The following PARD3B variants were observed in gnomAD, a reference collection of about 807,000 sequenced individuals.
PARD3B encodes the protein partitioning defective 3 homolog B.
PARD3B carries 103 observed loss-of-function variants against 130.2 expected under a neutral mutation model. The ratio of observed to expected loss-of-function variants is 0.79; its 90% CI spans 0.67 to 0.93. The LOEUF (loss-of-function observed/expected upper bound fraction) is 0.93. Ranked by LOEUF, PARD3B falls within the 40% of genes least tolerant of loss-of-function variation. The pLI is 0.00. For missense variants in PARD3B, 1,609 were observed against 1,499.2 expected (o/e 1.07, Z -1.21); for synonymous variants, 583 against 553.2 (o/e 1.05, Z -0.76).
intron 3 of PARD3B, among the ~76,000 whole-genome samples, chr2:205,038,750 A>G (rs954143747): frequency 6.6e-6 from 1 of 152,198 alleles, no homozygotes; most frequent in South Asian, 2.1e-4. Context: ...AATTACTTGC[A>G]TTTGTCCATC....
rs1204240047 is a variant in PARD3B at position 205,616,840 on chromosome 2, G to T, written c.*1027G>T. ...ACCATCTGCACTCGGGGACAGCGAG[G>T]AGCTGACCATGGCCTCTGATGACCA... is the stretch of plus-strand genomic sequence containing the variant. On this transcript the variant is annotated 3_prime_UTR_variant, in exon 23 of 23. Transcript: ENST00000406610. 1 of 153,612 alleles carries T rather than the reference G, an allele frequency of 6.5e-6. No individual in the cohort carries two copies. Among genetic ancestry groups the T allele is most frequent in the Non-Finnish European group, 1.5e-5 (1 of 68,314 alleles). 9.5% of individuals were successfully genotyped at this position (153,612 alleles called of 1,614,324 possible). A position where few individuals can be genotyped will look rare whatever the true frequency, so the allele number is the denominator to read the frequency against.
In PARD3B at chr2:205,575,117, G is replaced by A. The variant is rs542327801; in HGVS notation, c.3260+21714G>A. ...CACACACACACACACACACACACGC[G>A]TACACTATATATAAAAATATATTTT... On this transcript the variant is annotated intron_variant, in intron 22 of 22. Coordinates refer to ENST00000406610, the MANE Select transcript of PARD3B (RefSeq NM_001302769.2). The surrounding 1 kb of genome is among the most constrained non-coding windows in gnomAD (Gnocchi z 4.6). Among the ~76,000 whole-genome samples, 21 of 113,650 alleles carry A rather than the reference G, an allele frequency of 1.8e-4. No individual in the cohort carries two copies. Among genetic ancestry groups the A allele is most frequent in the South Asian group, 1.1e-3 (4 of 3,496 alleles). 74.6% of individuals were successfully genotyped at this position (113,650 alleles called of 152,430 possible).
chr2:204,689,257 C>T lies in PARD3B; in HGVS notation c.222+2975C>T, dbSNP rs1470778641. On this transcript the variant is annotated intron_variant, in intron 2 of 22. Transcript: ENST00000406610. This position sits in a 1 kb window ranked among gnomAD's most constrained non-coding sequence, Gnocchi z 5.2. ...TTCCTTTGGCCAACATAGTGCTTGG[C>T]GCATACATGGTATCTGCTTGGGAGC... 4.6e-5 allele frequency among the ~76,000 whole-genome samples: 7 copies of T among 152,094 alleles called. No individual in the cohort carries two copies. Among genetic ancestry groups the T allele is most frequent in the East Asian group, 1.9e-4 (1 of 5,174 alleles).
At chr2:204,646,872 T>A (rs2035293846) in intron 1 of PARD3B, among the ~76,000 whole-genome samples, 1 of 151,984 alleles carries the variant, frequency 6.6e-6, no homozygotes, top group Admixed American at 6.6e-5. Context: ...CTACAGAACA[T>A]CATAGCTTAG....
Position 205,047,710 on chromosome 2 carries a change from T to C in PARD3B, c.504+20T>C. On this transcript the variant is annotated intron_variant, in intron 4 of 22. Coordinates refer to ENST00000406610, the MANE Select transcript of PARD3B (RefSeq NM_001302769.2). Reference sequence around the variant, plus strand: ...GTTCCAGTAGGTATCCTGCTGCTTGTAGTTCTAATGAAAGATCAAAGTGCT... The same window carrying C: ...GTTCCAGTAGGTATCCTGCTGCTTGCAGTTCTAATGAAAGATCAAAGTGCT... 1 of 1,491,018 alleles carries C rather than the reference T, an allele frequency of 6.7e-7. No individual in the cohort carries two copies. Among genetic ancestry groups the C allele is most frequent in the Non-Finnish European group, 9.2e-7 (1 of 1,092,738 alleles). The allele number at this position is 1,491,018 out of a possible 1,614,324, so 92.4% of individuals were successfully genotyped here. A position where few individuals can be genotyped will look rare whatever the true frequency, so the allele number is the denominator to read the frequency against.
intron 18 of PARD3B, among the ~76,000 whole-genome samples, chr2:205,364,923 C>CG (rs1242327583): frequency 1.3e-5 from 2 of 152,068 alleles, no homozygotes; most frequent in Non-Finnish European, 2.9e-5. Context: ...GCTGTACAGC[C>CG]GGGTGTGGTG....
chr2:205,111,711 G>A (rs1490638705), intron 5 of PARD3B, among the ~76,000 whole-genome samples: 1 of 152,004 alleles, frequency 6.6e-6, no homozygotes, highest in Non-Finnish European at 1.5e-5. Context: ...CTCAGCATGT[G>A]GATACTTGAT....
At position 205,129,583 on chromosome 2, in the gene PARD3B, G is replaced by C. The variant is rs113263929; in HGVS notation, c.1434+3846G>C. On this transcript the variant is annotated intron_variant, in intron 10 of 22. Coordinates refer to ENST00000406610, the MANE Select transcript of PARD3B (RefSeq NM_001302769.2). ...GGACAGCACTTCCTACTTTTGTCGT[G>C]TTCTATCTCCTTTGAGGAAAACAAA... Among the ~76,000 whole-genome samples the C allele has an allele frequency of 4.6e-5, 7 of 152,252 alleles. 1 individual carries two copies. The highest frequency in any genetic ancestry group is 1.4e-4 in the African/African-American group (6 of 41,534).
chr2:205,032,167 G>C (rs1478613666), intron 3 of PARD3B, among the ~76,000 whole-genome samples: 1 of 151,996 alleles, frequency 6.6e-6, no homozygotes, highest in Non-Finnish European at 1.5e-5. Context: ...GAGTTACATG[G>C]AAAAGTCAAT....
At position 204,573,232 on chromosome 2, in the gene PARD3B, T is replaced by C. The variant is rs192106072; in HGVS notation, c.120+27113T>C. Reference sequence around the variant, plus strand: ...TGCAGTCTCTATACTGTCCTTCTCATAACTAGTTTTCACTCTTGATATCTT... The same window carrying C: ...TGCAGTCTCTATACTGTCCTTCTCACAACTAGTTTTCACTCTTGATATCTT... On this transcript the variant is annotated intron_variant, in intron 1 of 22. Transcript: ENST00000406610. 1.3e-3 allele frequency among the ~76,000 whole-genome samples: 195 copies of C among 152,342 alleles called. 1 individual carries two copies. Among genetic ancestry groups the C allele is most frequent in the African/African-American group, 4.5e-3 (186 of 41,574 alleles).
At chr2:204,630,455 A>C (rs932732887) in intron 1 of PARD3B, among the ~76,000 whole-genome samples, 1 of 152,176 alleles carries the variant, frequency 6.6e-6, no homozygotes, top group African/African-American at 2.4e-5. Context: ...GTTTTTGAAC[A>C]TCTCTATCCA....
At chr2:205,573,696 T>C (rs1439507833) in intron 22 of PARD3B, among the ~76,000 whole-genome samples, 3 of 152,194 alleles carry the variant, frequency 2.0e-5, no homozygotes, top group Non-Finnish European at 4.4e-5. Context: ...GAGTATTAAA[T>C]TGATGGGAAA....
At chr2:204,755,643 A>T (rs1190983289) in intron 2 of PARD3B, among the ~76,000 whole-genome samples, 1 of 152,138 alleles carries the variant, frequency 6.6e-6, no homozygotes, top group Non-Finnish European at 1.5e-5. Context: ...GGGTACAGAG[A>T]CTGAATCACA....
At chr2:204,556,692 T>G (rs2030945108) in intron 1 of PARD3B, among the ~76,000 whole-genome samples, 1 of 152,194 alleles carries the variant, frequency 6.6e-6, no homozygotes, top group Non-Finnish European at 1.5e-5. Flanking sequence ...GGGATTTTCA[T>G]GCTGTCTTAA....
Position 205,461,821 on chromosome 2 carries a change from C to T in PARD3B, c.3044+21149C>T, listed in dbSNP as rs936540611. On this transcript the variant is annotated intron_variant, in intron 20 of 22. Coordinates refer to ENST00000406610, the MANE Select transcript of PARD3B (RefSeq NM_001302769.2). This position sits in a 1 kb window ranked among gnomAD's most constrained non-coding sequence, Gnocchi z 4.3. ...CTCATGCTGCTGGCCTGGGTTCTGT[C>T]GGTGGTGAATCATTAGTTTAAGGTG... Among the ~76,000 whole-genome samples, 5 of 152,146 alleles carry T rather than the reference C, an allele frequency of 3.3e-5. No homozygotes were observed. The highest frequency in any genetic ancestry group is 7.2e-5 in the African/African-American group (3 of 41,444).
intron 2 of PARD3B, among the ~76,000 whole-genome samples, chr2:204,950,063 G>A (rs1689641304): frequency 6.6e-6 from 1 of 152,166 alleles, no homozygotes. Flanking sequence ...TCATGTCCAA[G>A]CCCTATGCAA....
In PARD3B at chr2:204,928,331, A is replaced by T. The variant is rs542759067; in HGVS notation, c.223-36821A>T. ...TTTAGAATGGCACAATATCAATTCT[A>T]TCACTTCTGTTGGGTAAAATAAGTC... is the stretch of plus-strand genomic sequence containing the variant. On this transcript the variant is annotated intron_variant, in intron 2 of 22. Transcript: ENST00000406610. Among the ~76,000 whole-genome samples, 4 of 152,236 alleles carry T rather than the reference A, an allele frequency of 2.6e-5. 1 individual carries two copies. In the East Asian group the frequency reaches 7.7e-4, roughly 29 times the overall value.
chr2:204,667,764 A>T (rs2036092945), intron 1 of PARD3B, among the ~76,000 whole-genome samples: 1 of 152,172 alleles, frequency 6.6e-6, no homozygotes, highest in Non-Finnish European at 1.5e-5. Flanking sequence ...GCTTTCATAG[A>T]ATCTTTATAT....
At chr2:204,909,325 G>A (rs1452109144) in intron 2 of PARD3B, among the ~76,000 whole-genome samples, 1 of 152,058 alleles carries the variant, frequency 6.6e-6, no homozygotes, top group African/African-American at 2.4e-5. Context: ...ACATACAGAT[G>A]TTTATTGCAG....
Sources: gnomAD v4.1 joint callset for allele counts (sites outside exome capture counted in the v4.1 genomes callset) on GRCh38, gnomAD v4.1.1 for gene constraint, Gnocchi (gnomAD v3.1) non-coding constraint, MANE v1.5 for transcripts, NCBI Gene and HGNC (gene_info 2026-07-23, HGNC 2026-07-21) for gene names.